The following HMGB1 variants were observed in gnomAD, a reference collection of about 807,000 sequenced individuals.
The protein encoded by HMGB1 is high mobility group protein B1.
For missense variants in HMGB1, 79 were observed against 253.5 expected, an observed-to-expected ratio of 0.31 and a Z score of 4.67; for synonymous variants, 81 against 84.0, an observed-to-expected ratio of 0.96 and a Z score of 0.19.
Position 30,520,300 on chromosome 13 carries a change from C to G in HMGB1, c.-14-56606G>C, listed in dbSNP as rs189437081. ...TCGGGCCACTACACTCCAGCCTGGG[C>G]AACAGGGTGAGACTCCGTCTCAAAA... On this transcript the variant is annotated intron_variant, in intron 1 of 4. Transcript: ENST00000405805. 4.9e-3 allele frequency among the ~76,000 whole-genome samples: 749 copies of G among 151,462 alleles called. 6 individuals are homozygous for G. Among genetic ancestry groups the G allele is most frequent in the African/African-American group, 0.017 (717 of 41,216 alleles).
At chr13:30,511,192 T>C (rs149279809) in intron 1 of HMGB1, among the ~76,000 whole-genome samples, 10 of 152,338 alleles carry the variant, frequency 6.6e-5, no homozygotes, top group African/African-American at 2.4e-4. Context: ...TGTTTTCCTT[T>C]TCATTATCCA....
chr13:30,507,902 C>T (rs944157209), intron 1 of HMGB1, among the ~76,000 whole-genome samples: 4 of 152,018 alleles, frequency 2.6e-5, no homozygotes, highest in African/African-American at 9.7e-5. Context: ...AAGGCTGAAT[C>T]GGGAGGATCG....
At chr13:30,581,320 A>G (rs1593324965) in intron 1 of HMGB1, among the ~76,000 whole-genome samples, 1 of 152,148 alleles carries the variant, frequency 6.6e-6, no homozygotes, top group East Asian at 1.9e-4. Flanking sequence ...GCTTTTGATG[A>G]TAGCTGAACA....
chr13:30,514,719 C>T (rs1888065090), intron 1 of HMGB1, among the ~76,000 whole-genome samples: 1 of 148,660 alleles, frequency 6.7e-6, no homozygotes, highest in Non-Finnish European at 1.5e-5. Context: ...CTCACTGCAG[C>T]CTCAAACTCC....
chr13:30,473,169 C>T (rs1398492426), intron 1 of HMGB1, among the ~76,000 whole-genome samples: 1 of 152,154 alleles, frequency 6.6e-6, no homozygotes, highest in Non-Finnish European at 1.5e-5. Context: ...AACCTCTTCC[C>T]CAGCTGCTTA....
At chr13:30,596,634 C>T (rs1871622179) in intron 1 of HMGB1, among the ~76,000 whole-genome samples, 1 of 152,228 alleles carries the variant, frequency 6.6e-6, no homozygotes, top group South Asian at 2.1e-4. Context: ...CAGACTAAGG[C>T]ACATTCTCTA....
At chr13:30,571,686 A>G (rs1006915358) in intron 1 of HMGB1, among the ~76,000 whole-genome samples, 1 of 152,240 alleles carries the variant, frequency 6.6e-6, no homozygotes, top group African/African-American at 2.4e-5. Context: ...TGAAGCCACA[A>G]GCAGGTTTAC....
At chr13:30,552,701 T>G (rs1869484673) in intron 1 of HMGB1, among the ~76,000 whole-genome samples, 1 of 152,264 alleles carries the variant, frequency 6.6e-6, no homozygotes, top group Admixed American at 6.5e-5. Flanking sequence ...GGTGACTGAA[T>G]GGATAAATGA....
At chr13:30,570,775 C>T (rs1870392417) in intron 1 of HMGB1, among the ~76,000 whole-genome samples, 1 of 152,050 alleles carries the variant, frequency 6.6e-6, no homozygotes, top group African/African-American at 2.4e-5. Flanking sequence ...TTTTTGTGCC[C>T]CTGTGTTAAG....
intron 1 of HMGB1, among the ~76,000 whole-genome samples, chr13:30,509,869 G>A (rs1342586435): frequency 6.6e-6 from 1 of 152,138 alleles, no homozygotes; most frequent in Non-Finnish European, 1.5e-5. Context: ...GAATTGTTAA[G>A]TATCTTAACC....
intron 1 of HMGB1, among the ~76,000 whole-genome samples, chr13:30,610,998 A>G (rs1950507952): frequency 6.6e-6 from 1 of 152,236 alleles, no homozygotes; most frequent in Non-Finnish European, 1.5e-5. Flanking sequence ...ACCAGCTCCA[A>G]TTAGCACTCA....
chr13:30,587,070 G>T (rs1455093177), intron 1 of HMGB1, among the ~76,000 whole-genome samples: 1 of 151,738 alleles, frequency 6.6e-6, no homozygotes, highest in African/African-American at 2.4e-5. Context: ...TTTTAAACAG[G>T]GACCAACAAT....
Position 30,578,480 on chromosome 13 carries a change from A to G in HMGB1, c.-15+38191T>C, listed in dbSNP as rs144894178. ...AATGGAATTGAGCTCTGGAATCTAG[A>G]CCATCTTTTCCATACCCATCACTCC... On this transcript the variant is annotated intron_variant, in intron 1 of 4. Coordinates refer to the HMGB1 transcript ENST00000405805. Among the ~76,000 whole-genome samples, 9 of 147,690 alleles carry G rather than the reference A, an allele frequency of 6.1e-5. No individual in the cohort carries two copies. The East Asian group carries it at 1.8e-3, about 30-fold the overall frequency.
At position 30,460,364 on chromosome 13, in the gene HMGB1, C is replaced by G. The variant is rs1279951843; in HGVS notation, c.*993G>C. 6.6e-6 allele frequency: 1 copy of G among 151,264 alleles called. No homozygotes were observed. The highest frequency in any genetic ancestry group is 1.9e-4 in the East Asian group (1 of 5,162). The allele number at this position is 151,264 out of a possible 1,614,324, so 9.4% of individuals were successfully genotyped here. A position where few individuals can be genotyped will look rare whatever the true frequency, so the allele number is the denominator to read the frequency against. On this transcript the variant is annotated 3_prime_UTR_variant, in exon 5 of 5. Coordinates refer to ENST00000341423, the MANE Select transcript of HMGB1 (RefSeq NM_002128.7). ...GATAAATGGGAAAAGACATCTATAGCCAGCATTTTCATAGTCTTCACTGAG... is the reference window on the plus strand; with the variant it reads ...GATAAATGGGAAAAGACATCTATAGGCAGCATTTTCATAGTCTTCACTGAG...
chr13:30,582,732 A>G (rs1870959799), intron 1 of HMGB1, among the ~76,000 whole-genome samples: 1 of 152,180 alleles, frequency 6.6e-6, no homozygotes, highest in Non-Finnish European at 1.5e-5. Context: ...ATCAATTGGT[A>G]TATTTGTTAT....
chr13:30,499,497 T>G (rs926515182), intron 1 of HMGB1, among the ~76,000 whole-genome samples: 2 of 152,208 alleles, frequency 1.3e-5, no homozygotes, highest in African/African-American at 4.8e-5. Flanking sequence ...CTCTTTTTTC[T>G]TGTTTCAAAC....
intron 1 of HMGB1, among the ~76,000 whole-genome samples, chr13:30,532,314 G>A (rs1268651835): frequency 1.7e-4 from 24 of 137,612 alleles, no homozygotes; most frequent in East Asian, 8.7e-4. Context: ...CAGCCTGGGC[G>A]ACAGAGCAAG....
At chr13:30,474,944 TTCTTTTCTTTTTTTG>T (rs1887040391) in intron 1 of HMGB1, among the ~76,000 whole-genome samples, 3 of 130,272 alleles carry the variant, frequency 2.3e-5, no homozygotes, top group African/African-American at 8.4e-5. Flanking sequence ...TCTTTTTTTT[TTCTTTTCTTTTTTTG>T]TTTTTTTTTT....
intron 1 of HMGB1, chr13:30,540,154 T>G (rs1466870598): frequency 6.2e-6 from 1 of 160,854 alleles, no homozygotes; most frequent in African/African-American, 2.4e-5. Flanking sequence ...CTTTAGAAGC[T>G]TATCAGCTAT....
Sources: gnomAD v4.1 joint callset for allele counts (sites outside exome capture counted in the v4.1 genomes callset) on GRCh38, gnomAD v4.1.1 for gene constraint, MANE v1.5 for transcripts, NCBI Gene and HGNC (gene_info 2026-07-23, HGNC 2026-07-21) for gene names.